Variants in ZDHHC15 observed in about 807,000 individuals in gnomAD.
ZDHHC15 encodes palmitoyltransferase ZDHHC15.
In ZDHHC15, 19 loss-of-function variants were observed where a neutral mutation model predicts 31.7. The ratio of observed to expected loss-of-function variants is 0.60; its 90% CI spans 0.42 to 0.88. The LOEUF (loss-of-function observed/expected upper bound fraction) is 0.88. ZDHHC15 is among the 40% of genes least tolerant of loss of function. The pLI is 0.00. For synonymous variants in ZDHHC15, 103 were observed against 90.0 expected (o/e 1.14, Z -0.82); for missense variants, 209 against 251.2 (o/e 0.83, Z 1.14).
chrX:75,501,543 C>G (rs945017384), intron 2 of ZDHHC15: 2 of 111,490 alleles, frequency 1.8e-5, no homozygotes, highest in Non-Finnish European at 3.8e-5. Flanking sequence ...CTGTCTTCCA[C>G]AATTGTTGAA....
At chrX:75,406,143 G>A (rs2083408756) in intron 10 of ZDHHC15, among the ~76,000 whole-genome samples, 1 of 111,403 alleles carries the variant, frequency 9.0e-6, no homozygotes, top group Admixed American at 9.6e-5. Context: ...ATTAAAAAAT[G>A]TCTTGAAACA....
rs1042685161 is a variant in ZDHHC15, at chrX:75,386,534, T to A, written c.968-7336A>T. ...GCTGTTGCCCAGGCTGGAGTGCAGT[T>A]GTGTGGTCAGTTTACTCCAGCCTTG... On this transcript the variant is annotated intron_variant, in intron 10 of 11. Coordinates refer to ENST00000373367, the MANE Select transcript of ZDHHC15 (RefSeq NM_144969.3). Among the ~76,000 whole-genome samples the A allele has an allele frequency of 7.2e-5, 8 of 111,436 alleles. No homozygotes were observed. In the Admixed American group the frequency reaches 7.6e-4, roughly 11 times the overall value.
At chrX:75,464,400 G>A (rs954945040) in intron 3 of ZDHHC15, among the ~76,000 whole-genome samples, 10 of 110,274 alleles carry the variant, frequency 9.1e-5, no homozygotes, top group Non-Finnish European at 3.8e-5. Flanking sequence ...AAACCTGCAC[G>A]TTGTGCACAT....
intron 10 of ZDHHC15, among the ~76,000 whole-genome samples, chrX:75,379,510 C>T (rs751966236): frequency 1.1e-3 from 119 of 112,190 alleles, no homozygotes; most frequent in Non-Finnish European, 2.0e-3. Context: ...TTGCATCTTG[C>T]TACCCACAAA....
intron 3 of ZDHHC15, among the ~76,000 whole-genome samples, chrX:75,476,554 C>T (rs1445800654): frequency 9.0e-6 from 1 of 110,897 alleles, no homozygotes; most frequent in Non-Finnish European, 1.9e-5. Context: ...AGTTACATCT[C>T]CACTTTCACT....
chrX:75,459,194 C>T (rs939518650), intron 3 of ZDHHC15, among the ~76,000 whole-genome samples: 1 of 109,968 alleles, frequency 9.1e-6, no homozygotes, highest in African/African-American at 3.3e-5. Context: ...CAGCCACACA[C>T]AGAGACCCAG....
At chrX:75,460,302 C>G (rs2084291782) in intron 3 of ZDHHC15, among the ~76,000 whole-genome samples, 1 of 111,376 alleles carries the variant, frequency 9.0e-6, no homozygotes, top group African/African-American at 3.3e-5. Flanking sequence ...GATGGAGCTT[C>G]CAGGGGGAGG....
chrX:75,407,299 G>A (rs962853639), intron 10 of ZDHHC15, among the ~76,000 whole-genome samples: 21 of 110,007 alleles, frequency 1.9e-4, no homozygotes, highest in Non-Finnish European at 3.8e-5. Flanking sequence ...CCCAGCAGCC[G>A]TCCCATCTGG....
chrX:75,386,757 A>G (rs1206175666), intron 10 of ZDHHC15, among the ~76,000 whole-genome samples: 2 of 112,569 alleles, frequency 1.8e-5, no homozygotes, highest in Non-Finnish European at 3.8e-5. Flanking sequence ...GATTACAGGC[A>G]TGAGCCACTG....
At chrX:75,394,815 C>A (rs1296970206) in intron 10 of ZDHHC15, among the ~76,000 whole-genome samples, 2 of 111,555 alleles carry the variant, frequency 1.8e-5, no homozygotes, top group African/African-American at 6.5e-5. Context: ...ACAGATCACC[C>A]AGACAGAAAA....
At position 75,407,746 on chromosome X, in the gene ZDHHC15, G is replaced by A. The variant is rs186122212; in HGVS notation, c.967+9341C>T. Reference sequence around the variant, plus strand: ...CTCATTGAGAATGGGCCATGATGACGATGGCAGTTTTGTCAAATAGAAAGG... The same window carrying A: ...CTCATTGAGAATGGGCCATGATGACAATGGCAGTTTTGTCAAATAGAAAGG... On this transcript the variant is annotated intron_variant, in intron 10 of 11. Transcript: ENST00000373367. 1.0e-3 allele frequency among the ~76,000 whole-genome samples: 114 copies of A among 113,161 alleles called. 1 individual carries two copies. The highest frequency in any genetic ancestry group is 2.7e-3 in the African/African-American group (86 of 31,280).
At chrX:75,514,136 A>C (rs996324367) in intron 1 of ZDHHC15, among the ~76,000 whole-genome samples, 1 of 113,014 alleles carries the variant, frequency 8.8e-6, no homozygotes, top group African/African-American at 3.2e-5. Flanking sequence ...TCTTTAGAAA[A>C]ACTGAAAAGG....
At chrX:75,518,575 G>T (rs2085395321) in intron 1 of ZDHHC15, among the ~76,000 whole-genome samples, 1 of 106,899 alleles carries the variant, frequency 9.4e-6, no homozygotes, top group Non-Finnish European at 1.9e-5. Context: ...TAGTTTGGAG[G>T]TTCCTCAGAA....
intron 4 of ZDHHC15, among the ~76,000 whole-genome samples, chrX:75,442,407 T>C (rs905396123): frequency 9.0e-6 from 1 of 111,558 alleles, no homozygotes; most frequent in South Asian, 3.8e-4. Context: ...GAAAACCCCA[T>C]TGTTTCAGCC....
chrX:75,483,002 T>TA (rs1491486676), intron 2 of ZDHHC15, among the ~76,000 whole-genome samples: 1 of 64,891 alleles, frequency 1.5e-5, no homozygotes, highest in Non-Finnish European at 2.8e-5. Flanking sequence ...TGTGTATGTG[T>TA]ATATATATAT....
chrX:75,410,978 A>C (rs1381424434), intron 10 of ZDHHC15, among the ~76,000 whole-genome samples: 2 of 112,086 alleles, frequency 1.8e-5, no homozygotes. Context: ...TAAGGAAATA[A>C]GCCAAGCACA....
At chrX:75,449,567 G>T (rs907896747) in intron 4 of ZDHHC15, among the ~76,000 whole-genome samples, 6 of 111,674 alleles carry the variant, frequency 5.4e-5, no homozygotes, top group African/African-American at 2.0e-4. Flanking sequence ...ATTTCCATAT[G>T]CATGAAGACT....
At chrX:75,442,514 C>T (rs1431425535) in intron 4 of ZDHHC15, among the ~76,000 whole-genome samples, 7 of 111,620 alleles carry the variant, frequency 6.3e-5, no homozygotes, top group Non-Finnish European at 9.4e-5. Flanking sequence ...CAATAACAGA[C>T]AGAGAGCCAA....
intron 10 of ZDHHC15, among the ~76,000 whole-genome samples, chrX:75,383,111 A>G (rs1395012228): frequency 8.9e-6 from 1 of 111,883 alleles, no homozygotes; most frequent in Non-Finnish European, 1.9e-5. Context: ...ATAGTTGTTA[A>G]AAGAGTTTGG....
Sources: allele counts gnomAD v4.1 joint callset (sites outside exome capture counted in the v4.1 genomes callset), GRCh38; gene constraint gnomAD v4.1.1; transcripts MANE v1.5; gene names NCBI Gene and HGNC (gene_info 2026-07-23, HGNC 2026-07-21).